Variants in INPP4B observed in about 807,000 individuals in gnomAD.
The protein encoded by INPP4B is inositol polyphosphate-4-phosphatase type II B.
A neutral mutation model predicts 122.5 loss-of-function variants in INPP4B; 55 were observed. That is an observed-to-expected ratio of 0.45 (90% CI 0.36 to 0.56). The LOEUF (loss-of-function observed/expected upper bound fraction) is 0.56. Among genes scored for constraint, INPP4B ranks in the 20% least tolerant of loss-of-function variants. INPP4B has a pLI of 0.00. For synonymous variants in INPP4B, 403 were observed against 388.7 expected, an observed-to-expected ratio of 1.04 and a Z score of -0.43; for missense variants, 1,000 against 1,097.7, an observed-to-expected ratio of 0.91 and a Z score of 1.26.
At chr4:142,125,543 T>C (rs1233922926) in intron 18 of INPP4B, among the ~76,000 whole-genome samples, 1 of 152,112 alleles carries the variant, frequency 6.6e-6, no homozygotes, top group Non-Finnish European at 1.5e-5. Flanking sequence ...CATCTCAATG[T>C]CTTTGAAAAT....
chr4:142,307,395 A>C (rs1009541703), intron 8 of INPP4B, among the ~76,000 whole-genome samples: 2 of 152,168 alleles, frequency 1.3e-5, no homozygotes, highest in African/African-American at 4.8e-5. Flanking sequence ...CCTCTCCAAA[A>C]AATAATTGAG....
chr4:142,197,090 C>T (rs1330579923), intron 14 of INPP4B, among the ~76,000 whole-genome samples: 1 of 134,978 alleles, frequency 7.4e-6, no homozygotes, highest in Non-Finnish European at 1.5e-5. Context: ...CGCGCCATTG[C>T]ACTCCAGCCT....
chr4:142,568,379 T>C (rs1340108442), intron 2 of INPP4B, among the ~76,000 whole-genome samples: 2 of 152,110 alleles, frequency 1.3e-5, no homozygotes, highest in African/African-American at 4.8e-5. Flanking sequence ...CACCCAGATA[T>C]CGGCTTGCTG....
At chr4:142,774,198 A>G (rs1399714171) in intron 1 of INPP4B, among the ~76,000 whole-genome samples, 3 of 152,104 alleles carry the variant, frequency 2.0e-5, no homozygotes, top group Admixed American at 1.3e-4. Context: ...TCTGGATGTC[A>G]TAAGTAAATA....
chr4:142,687,705 T>C (rs1759569098), intron 2 of INPP4B, among the ~76,000 whole-genome samples: 1 of 151,976 alleles, frequency 6.6e-6, no homozygotes, highest in Non-Finnish European at 1.5e-5. Flanking sequence ...AGGCATGGAA[T>C]TACCAGGAAT....
chr4:142,035,790 A>G (rs1017699410), intron 25 of INPP4B, among the ~76,000 whole-genome samples: 2 of 152,178 alleles, frequency 1.3e-5, no homozygotes, highest in Non-Finnish European at 2.9e-5. Context: ...AATTCTGGCA[A>G]TGAGGAGAAA....
chr4:142,074,114 TA>T (rs1165034407), intron 25 of INPP4B, among the ~76,000 whole-genome samples: 1 of 151,990 alleles, frequency 6.6e-6, no homozygotes, highest in African/African-American at 2.4e-5. Context: ...ATTTAAAAAA[TA>T]AAAATAAAGC....
chr4:142,382,592 A>C (rs1238891791), intron 7 of INPP4B, among the ~76,000 whole-genome samples: 1 of 140,428 alleles, frequency 7.1e-6, no homozygotes, highest in Non-Finnish European at 1.5e-5. Flanking sequence ...TATATATACT[A>C]TAAATATATA....
At chr4:142,192,256 C>T (rs1836206673) in intron 15 of INPP4B, among the ~76,000 whole-genome samples, 1 of 142,614 alleles carries the variant, frequency 7.0e-6, no homozygotes, top group Non-Finnish European at 1.5e-5. Context: ...ACACCAAATC[C>T]CTGTAACATG....
chr4:142,230,575 C>T (rs1399622435), intron 12 of INPP4B, among the ~76,000 whole-genome samples: 6 of 133,546 alleles, frequency 4.5e-5, no homozygotes, highest in East Asian at 4.4e-4. Context: ...ACCCAGGAGG[C>T]GAGGTTTTGG....
chr4:142,219,013 A>T (rs1848382545), intron 12 of INPP4B, among the ~76,000 whole-genome samples: 1 of 152,202 alleles, frequency 6.6e-6, no homozygotes, highest in African/African-American at 2.4e-5. Flanking sequence ...CACATGGATA[A>T]AAATTGCATC....
intron 18 of INPP4B, among the ~76,000 whole-genome samples, chr4:142,139,945 T>C (rs1219276): frequency 0.99 from 151,364 of 152,334 alleles, 75,206 homozygotes; most frequent in Middle Eastern, 1. Context: ...CCAAAGTGCT[T>C]GGATTACAAG....
intron 2 of INPP4B, among the ~76,000 whole-genome samples, chr4:142,510,522 G>A (rs1182030050): frequency 1.3e-5 from 2 of 152,112 alleles, no homozygotes; most frequent in East Asian, 1.9e-4. Context: ...CGCCTCTTTT[G>A]CACATAGCTT....
intron 12 of INPP4B, among the ~76,000 whole-genome samples, chr4:142,224,585 T>C (rs1850720959): frequency 6.6e-6 from 1 of 152,160 alleles, no homozygotes; most frequent in African/African-American, 2.4e-5. Context: ...TATTTCCTTG[T>C]GCAGCAACTA....
At chr4:142,612,531 A>C (rs1742781788) in intron 2 of INPP4B, among the ~76,000 whole-genome samples, 1 of 152,194 alleles carries the variant, frequency 6.6e-6, no homozygotes, top group Non-Finnish European at 1.5e-5. Flanking sequence ...GTACCAACAT[A>C]TTTGGCGTTT....
chr4:142,437,514 G>C (rs556938396), intron 3 of INPP4B, among the ~76,000 whole-genome samples: 1 of 151,964 alleles, frequency 6.6e-6, no homozygotes, highest in Non-Finnish European at 1.5e-5. Context: ...AAAAAGAAAG[G>C]CCAGGTCACC....
chr4:142,804,775 T>C (rs1476790517), intron 1 of INPP4B, among the ~76,000 whole-genome samples: 1 of 152,186 alleles, frequency 6.6e-6, no homozygotes, highest in Non-Finnish European at 1.5e-5. Context: ...CAGGTGATCC[T>C]TCCACCTCAG....
intron 23 of INPP4B, among the ~76,000 whole-genome samples, chr4:142,103,547 GCAA>G (rs1267361362): frequency 6.6e-6 from 1 of 151,956 alleles, no homozygotes. Flanking sequence ...TTGAACAACA[GCAA>G]CAACAAAACT....
At chr4:142,307,366 A>G (rs768105232) in intron 8 of INPP4B, among the ~76,000 whole-genome samples, 2 of 148,608 alleles carry the variant, frequency 1.3e-5, no homozygotes, top group Non-Finnish European at 2.9e-5. Flanking sequence ...CACCTGACAT[A>G]TTATATATTT....
Sources: allele counts gnomAD v4.1 joint callset (sites outside exome capture counted in the v4.1 genomes callset), GRCh38; gene constraint gnomAD v4.1.1; transcripts MANE v1.5; gene names NCBI Gene and HGNC (gene_info 2026-07-23, HGNC 2026-07-21).